The following RABGAP1L variants were observed in gnomAD, a reference collection of about 807,000 sequenced individuals.
RABGAP1L encodes RAB GTPase activating protein 1 like.
RABGAP1L carries 63 observed loss-of-function variants against 137.7 expected under a neutral mutation model. The observed-to-expected ratio is 0.46, with a 90% CI of 0.37 to 0.56. The LOEUF is 0.56. Ranked by LOEUF, RABGAP1L falls within the 20% of genes least tolerant of loss-of-function variation. The pLI is 0.00. For missense variants in RABGAP1L, 1,095 were observed against 1,244.0 expected (o/e 0.88, Z 1.80); for synonymous variants, 431 against 433.7 (o/e 0.99, Z 0.08).
intron 10 of RABGAP1L, among the ~76,000 whole-genome samples, chr1:174,294,269 G>C (rs894530528): frequency 6.6e-6 from 1 of 152,158 alleles, no homozygotes; most frequent in Non-Finnish European, 1.5e-5. Context: ...CCTTTGTGTA[G>C]TCAGCCTAAC....
intron 11 of RABGAP1L, among the ~76,000 whole-genome samples, chr1:174,333,753 C>T (rs975179708): frequency 6.6e-6 from 1 of 152,166 alleles, no homozygotes; most frequent in Non-Finnish European, 1.5e-5. Flanking sequence ...CTGTGGAAAC[C>T]AGTAGCTTTG....
intron 1 of RABGAP1L, among the ~76,000 whole-genome samples, chr1:174,164,248 C>T (rs1246865122): frequency 3.9e-5 from 6 of 151,960 alleles, no homozygotes; most frequent in Non-Finnish European, 8.8e-5. Flanking sequence ...TGTAATTTGC[C>T]TTCTGGTGAT....
chr1:174,557,647 G>C (rs1235524465), intron 13 of RABGAP1L, among the ~76,000 whole-genome samples: 2 of 152,228 alleles, frequency 1.3e-5, no homozygotes, highest in African/African-American at 4.8e-5. Context: ...TAGGATCCCA[G>C]TGGTTTCTTT....
At chr1:174,281,148 T>G (rs559115502) in intron 10 of RABGAP1L, among the ~76,000 whole-genome samples, 171 of 152,234 alleles carry the variant, frequency 1.1e-3, no homozygotes, top group Non-Finnish European at 2.0e-3. Flanking sequence ...AGATTTACTG[T>G]GAAGAGCAAA....
chr1:174,597,935 A>C (rs942290918), intron 13 of RABGAP1L, among the ~76,000 whole-genome samples: 1 of 152,118 alleles, frequency 6.6e-6, no homozygotes, highest in Non-Finnish European at 1.5e-5. Flanking sequence ...CATAGTGTTT[A>C]ATTTCTATGT....
intron 19 of RABGAP1L, among the ~76,000 whole-genome samples, chr1:174,886,812 CT>C (rs11385190): frequency 4.0e-5 from 6 of 149,248 alleles, no homozygotes; most frequent in East Asian, 2.0e-4. Flanking sequence ...CCATTTAATT[CT>C]TTTTTTTTTC....
chr1:174,694,643 A>C (rs1334560638), intron 15 of RABGAP1L, among the ~76,000 whole-genome samples: 1 of 151,878 alleles, frequency 6.6e-6, no homozygotes, highest in African/African-American at 2.4e-5. Context: ...TATTGTGAAT[A>C]ATGCCGCAAT....
chr1:174,249,914 T>C (rs1672583345), intron 5 of RABGAP1L, among the ~76,000 whole-genome samples: 1 of 152,192 alleles, frequency 6.6e-6, no homozygotes, highest in African/African-American at 2.4e-5. Flanking sequence ...AGTGCTGGGA[T>C]TACAGGCATG....
intron 18 of RABGAP1L, among the ~76,000 whole-genome samples, chr1:174,762,452 C>A (rs781329780): frequency 3.3e-5 from 5 of 152,222 alleles, no homozygotes; most frequent in Non-Finnish European, 4.4e-5. Flanking sequence ...AGCTTTACTA[C>A]GTTAGGAACT....
At chr1:174,304,833 A>G (rs1678047211) in intron 10 of RABGAP1L, among the ~76,000 whole-genome samples, 153 bp from the exon 11 acceptor site, 1 of 152,226 alleles carries the variant, frequency 6.6e-6, no homozygotes, top group African/African-American at 2.4e-5. Flanking sequence ...AGGACAGTGC[A>G]CCTTAAAAGT....
chr1:174,484,514 T>C (rs1659443020), intron 13 of RABGAP1L, among the ~76,000 whole-genome samples: 2 of 152,238 alleles, frequency 1.3e-5, no homozygotes, highest in Non-Finnish European at 2.9e-5. Flanking sequence ...CAATATTTTC[T>C]TGTAGTGGTT....
intron 1 of RABGAP1L, among the ~76,000 whole-genome samples, chr1:174,165,693 C>G (rs1664853527): frequency 6.6e-6 from 1 of 151,430 alleles, no homozygotes; most frequent in African/African-American, 2.4e-5. Context: ...GAGACGGGGT[C>G]TCATTATGTT....
In RABGAP1L at chr1:174,231,138, T is replaced by A. The variant is rs1670616028; in HGVS notation, c.332-7T>A. ...ACTTTTGAGTGTTTCTTTTTTTGTT[T>A]CTTCAGAAATTTCTACACCCAGACC... is the stretch of plus-strand genomic sequence containing the variant. On this transcript the variant is annotated splice_polypyrimidine_tract_variant and splice_region_variant and intron_variant, in intron 3 of 25. Transcript: ENST00000681986. 1 of 1,593,502 alleles carries A rather than the reference T, an allele frequency of 6.3e-7. No individual in the cohort carries two copies. Among genetic ancestry groups the A allele is most frequent in the Non-Finnish European group, 8.6e-7 (1 of 1,166,420 alleles).
rs141906063 is a variant in RABGAP1L at position 174,819,919 on chromosome 1, A to G, written c.2340+7959A>G. ...CAAGCTGGAGGGAATAGGCAAGGGAAGGATGGGGAAAATGGTGAATGTGTA... is the reference window on the plus strand; with the variant it reads ...CAAGCTGGAGGGAATAGGCAAGGGAGGGATGGGGAAAATGGTGAATGTGTA... On this transcript the variant is annotated intron_variant, in intron 19 of 25. Coordinates refer to ENST00000681986, the MANE Select transcript of RABGAP1L (RefSeq NM_001366446.1). Among the ~76,000 whole-genome samples the G allele has an allele frequency of 2.6e-4, 40 of 152,340 alleles. No homozygotes were observed. The East Asian group carries it at 7.5e-3, about 29-fold the overall frequency.
chr1:174,245,607 A>C (rs996984840), intron 5 of RABGAP1L: 5 of 151,758 alleles, frequency 3.3e-5, no homozygotes, highest in African/African-American at 1.2e-4. Flanking sequence ...CCTTTCATAG[A>C]ATGATTTTTC....
At chr1:174,247,553 T>C (rs72713503) in intron 5 of RABGAP1L, among the ~76,000 whole-genome samples, 44,792 of 152,152 alleles carry the variant, frequency 0.29, 7,026 homozygotes, top group African/African-American at 0.37. Flanking sequence ...ATACAAATGG[T>C]AGCCATTAGA....
At position 174,272,458 on chromosome 1, in the gene RABGAP1L, G is replaced by A; in HGVS notation, c.1031G>A (p.Ser344Asn). Residue 344 changes from serine (S) to asparagine (N), a missense_variant, in exon 8 of 26, where the codon AGT becomes AAT. Physicochemically the swap from Ser to Asn is conservative, Grantham distance 46. This residue lies in a region of RABGAP1L where 112 missense variants were observed against 157.3 expected (regional missense o/e 0.71). Coordinates refer to ENST00000681986, the MANE Select transcript of RABGAP1L (RefSeq NM_001366446.1). ...LLSPGRNVKN[S>N]DMHLLDMESM... Reference sequence around the variant, plus strand: ...AGCCCAGGTCGAAACGTGAAGAACAGTGACATGCATTTACTGGATATGGTA... The same window carrying A: ...AGCCCAGGTCGAAACGTGAAGAACAATGACATGCATTTACTGGATATGGTA... 6.2e-7 allele frequency: 1 copy of A among 1,600,420 alleles called. No homozygotes were observed. The highest frequency in any genetic ancestry group is 8.5e-7 in the Non-Finnish European group (1 of 1,174,922).
At chr1:174,602,571 C>G (rs1670495447) in intron 13 of RABGAP1L, among the ~76,000 whole-genome samples, 1 of 152,154 alleles carries the variant, frequency 6.6e-6, no homozygotes, top group South Asian at 2.1e-4. Flanking sequence ...AGGCCAGTAA[C>G]TCATAGATTT....
At chr1:174,297,199 G>T (rs1482744567) in intron 10 of RABGAP1L, among the ~76,000 whole-genome samples, 1 of 152,132 alleles carries the variant, frequency 6.6e-6, no homozygotes, top group East Asian at 1.9e-4. Flanking sequence ...GAAAAACATA[G>T]AAATTTATTT....
Sources: gnomAD v4.1 joint callset for allele counts (sites outside exome capture counted in the v4.1 genomes callset) on GRCh38, gnomAD v4.1.1 for gene constraint, gnomAD v4.1.1 regional missense constraint, MANE v1.5 for transcripts, NCBI Gene and HGNC (gene_info 2026-07-23, HGNC 2026-07-21) for gene names.